The following CDC20B variants were observed in gnomAD, a reference collection of about 807,000 sequenced individuals.
CDC20B encodes cell division cycle 20B.
Under a neutral mutation model 64.1 loss-of-function variants are expected in CDC20B, and 58 were observed. The ratio of observed to expected loss-of-function variants is 0.90; its 90% CI spans 0.73 to 1.13. The LOEUF (loss-of-function observed/expected upper bound fraction) is 1.13, where lower values mean the gene tolerates loss of function less well. Among genes scored for constraint, CDC20B ranks in the 50% most tolerant of loss-of-function variants. The pLI, the probability that CDC20B is intolerant of heterozygous loss-of-function variation, is 0.00. For missense variants in CDC20B, 597 were observed against 633.0 expected, an observed-to-expected ratio of 0.94 and a Z score of 0.61; for synonymous variants, 243 against 230.6, an observed-to-expected ratio of 1.05 and a Z score of -0.49.
intron 2 of CDC20B, among the ~76,000 whole-genome samples, chr5:55,169,918 C>T (rs1267756442): frequency 3.3e-5 from 5 of 152,120 alleles, no homozygotes; most frequent in Non-Finnish European, 7.3e-5. Context: ...TCGAGACCAT[C>T]CCAGCTAACA....
Position 55,113,967 on chromosome 5 carries a change from TA to T in CDC20B, c.*250del. 1 of 471,766 alleles carries T rather than the reference TA, an allele frequency of 2.1e-6. No individual in the cohort carries two copies. Among genetic ancestry groups the T allele is most frequent in the Admixed American group, 3.9e-5 (1 of 25,638 alleles). 29.2% of individuals were successfully genotyped at this position (471,766 alleles called of 1,614,324 possible). ...GTGAAAATGAATCTCTAGAAAGGGG[TA>T]AGAATGGGAGGAAGAAGAGGAGGGG... On this transcript the variant is annotated 3_prime_UTR_variant, in exon 12 of 12. Coordinates refer to ENST00000381375, the MANE Select transcript of CDC20B (RefSeq NM_001170402.1).
chr5:55,170,142 G>T (rs575538755), intron 2 of CDC20B, among the ~76,000 whole-genome samples: 1 of 151,956 alleles, frequency 6.6e-6, no homozygotes, highest in South Asian at 2.1e-4. Flanking sequence ...AACTAATAAT[G>T]CAGAAAGAAT....
Position 55,162,122 on chromosome 5 carries a change from G to A in CDC20B, c.126+10466C>T, listed in dbSNP as rs564746983. 2.9e-4 allele frequency among the ~76,000 whole-genome samples: 43 copies of A among 148,974 alleles called. No homozygotes were observed. The South Asian group carries it at 9.0e-3, about 31-fold the overall frequency. On this transcript the variant is annotated intron_variant, in intron 2 of 11. Coordinates refer to ENST00000381375, the MANE Select transcript of CDC20B (RefSeq NM_001170402.1). Reference sequence around the variant, plus strand: ...AAAAAAAAAAAAAAAAAGGCCGGGCGCGGTGGCTCACGCCTGTAATCCCAG... The same window carrying A: ...AAAAAAAAAAAAAAAAAGGCCGGGCACGGTGGCTCACGCCTGTAATCCCAG...
At chr5:55,157,616 C>T (rs1020004299) in intron 2 of CDC20B, among the ~76,000 whole-genome samples, 2 of 152,184 alleles carry the variant, frequency 1.3e-5, no homozygotes, top group Non-Finnish European at 2.9e-5. Flanking sequence ...CAACATCAGG[C>T]CTGCATAATG....
intron 4 of CDC20B, among the ~76,000 whole-genome samples, chr5:55,143,244 C>T (rs1743378057): frequency 6.6e-6 from 1 of 152,246 alleles, no homozygotes; most frequent in African/African-American, 2.4e-5. Context: ...TATTTTTAAC[C>T]TTTACCTGTT....
intron 7 of CDC20B, among the ~76,000 whole-genome samples, chr5:55,127,916 G>A (rs1742934692): frequency 6.6e-6 from 1 of 152,014 alleles, no homozygotes; most frequent in Non-Finnish European, 1.5e-5. Context: ...GCCATCTGTG[G>A]CCCTCCTAAG....
At chr5:55,138,599 G>A (rs1486020571) in intron 5 of CDC20B, among the ~76,000 whole-genome samples, 1 of 152,050 alleles carries the variant, frequency 6.6e-6, no homozygotes, top group Non-Finnish European at 1.5e-5. Context: ...TAAATGGGGG[G>A]TTGGAGGGAG....
At position 55,114,255 on chromosome 5, in the gene CDC20B, G is replaced by A. The variant is rs1010248575; in HGVS notation, c.1523C>T (p.Ala508Val). The A allele has an allele frequency of 6.2e-7, 1 of 1,613,926 alleles. No individual in the cohort carries two copies. Among genetic ancestry groups the A allele is most frequent in the South Asian group, 1.1e-5 (1 of 91,080 alleles). Residue 508 changes from alanine (A) to valine (V), a missense_variant, in exon 12 of 12, where the codon GCA (alanine) becomes GTA (valine). Ala to Val is a moderately conservative substitution (Grantham distance 64). Transcript: ENST00000381375. The surrounding 1 kb of genome is among the most constrained non-coding windows in gnomAD (Gnocchi z 4.1). ...CCATACAGAGGCCGTCCCATCAGCT[G>A]CAGCAGAAAACACCCGGGTCTGGTC... Reference protein sequence around the residue: ...SPDQTRVFSAAADGTASVWNC... With the variant: ...SPDQTRVFSAVADGTASVWNC...
intron 5 of CDC20B, among the ~76,000 whole-genome samples, chr5:55,139,048 T>C (rs995179110): frequency 2.7e-5 from 4 of 146,952 alleles, no homozygotes; most frequent in Non-Finnish European, 4.5e-5. Flanking sequence ...GCTTTTGATT[T>C]ACAATGAGTT....
At chr5:55,161,637 T>C (rs1486183727) in intron 2 of CDC20B, among the ~76,000 whole-genome samples, 4 of 152,236 alleles carry the variant, frequency 2.6e-5, no homozygotes. Flanking sequence ...GTGCTGGGCA[T>C]TATTAGTTAA....
intron 5 of CDC20B, chr5:55,137,619 T>G (rs1406204908): frequency 6.6e-6 from 3 of 456,626 alleles, no homozygotes; most frequent in Non-Finnish European, 1.3e-5. Flanking sequence ...CGTTTCTTCA[T>G]GCTGCCACTA....
At position 55,141,074 on chromosome 5, in the gene CDC20B, A is replaced by G. The variant is rs1743315689; in HGVS notation, c.487-667T>C. Among the ~76,000 whole-genome samples, 3 of 152,216 alleles carry G rather than the reference A, an allele frequency of 2.0e-5. No individual in the cohort carries two copies. In the South Asian group the frequency reaches 6.2e-4, roughly 32 times the overall value. On this transcript the variant is annotated intron_variant, in intron 4 of 11. Coordinates refer to ENST00000381375, the MANE Select transcript of CDC20B (RefSeq NM_001170402.1). ...CTGTGTCAGGTTCAGAACTACGCCA[A>G]AGGTCATGTTGAGGTCTGGAGGGAG...
At chr5:55,162,360 A>C (rs1215654437) in intron 2 of CDC20B, among the ~76,000 whole-genome samples, 1 of 152,176 alleles carries the variant, frequency 6.6e-6, no homozygotes, top group South Asian at 2.1e-4. Context: ...GCGCTACTGC[A>C]CTCCAGCCTG....
At chr5:55,135,400 A>G (rs1166430204) in intron 5 of CDC20B, among the ~76,000 whole-genome samples, 2 of 146,154 alleles carry the variant, frequency 1.4e-5, no homozygotes, top group Non-Finnish European at 3.1e-5. Context: ...GCTGTTTAGG[A>G]CAAAAGACGA....
chr5:55,146,074 A>C (rs1743465365), intron 3 of CDC20B, among the ~76,000 whole-genome samples: 1 of 152,152 alleles, frequency 6.6e-6, no homozygotes, highest in African/African-American at 2.4e-5. Flanking sequence ...TGCAAGTCTC[A>C]AAAACATATT....
At chr5:55,158,485 T>C (rs1237487992) in intron 2 of CDC20B, among the ~76,000 whole-genome samples, 3 of 152,186 alleles carry the variant, frequency 2.0e-5, no homozygotes, top group African/African-American at 7.2e-5. Flanking sequence ...AGTCGAGCGG[T>C]TCCTCTCACA....
chr5:55,133,667 A>G (rs1743085201), intron 5 of CDC20B, 139 bp from the exon 6 acceptor site: 1 of 445,412 alleles, frequency 2.2e-6, no homozygotes, highest in Admixed American at 3.5e-5. Flanking sequence ...AAACTACAGT[A>G]CAAAGAGCCG....
rs768433411 is a variant in CDC20B, at chr5:55,133,540, A to C, written c.581-12T>G. 2.4e-5 allele frequency: 30 copies of C among 1,275,734 alleles called. No individual in the cohort carries two copies. In the East Asian group the frequency reaches 4.5e-4, roughly 19 times the overall value. 79.0% of individuals were successfully genotyped at this position (1,275,734 alleles called of 1,614,324 possible). ...TCCATCTTTGCAGCCTACAAGAAAC[A>C]AACACTTCTACACAGCTCTAAGATC... On this transcript the variant is annotated splice_polypyrimidine_tract_variant and intron_variant, in intron 5 of 11. Transcript: ENST00000381375.
chr5:55,160,900 T>TC lies in CDC20B; in HGVS notation c.126+11687dup, dbSNP rs140700063. The TC allele has an allele frequency of 4.8e-3, 6,097 of 1,277,970 alleles. 239 individuals are homozygous for TC. The African/African-American group carries it at 0.079, about 16-fold the overall frequency. 79.2% of individuals were successfully genotyped at this position (1,277,970 alleles called of 1,614,324 possible). ...AAAAAACATCAATCAGAGGTTATAG[T>TC]CCCCCCCAAATTGTTTAGGATTTTA... On this transcript the variant is annotated intron_variant, in intron 2 of 11. Transcript: ENST00000381375.
Sources: allele counts gnomAD v4.1 joint callset (sites outside exome capture counted in the v4.1 genomes callset), GRCh38; gene constraint gnomAD v4.1.1; non-coding constraint Gnocchi (gnomAD v3.1); transcripts MANE v1.5; gene names NCBI Gene and HGNC (gene_info 2026-07-23, HGNC 2026-07-21).